CECR2: variants seen among roughly 807,000 people sequenced by gnomAD.
CECR2 encodes the protein CECR2 histone acetyl-lysine reader.
CECR2 carries 30 observed loss-of-function variants against 154.5 expected under a neutral mutation model. The observed-to-expected ratio is 0.19, with a 90% CI of 0.15 to 0.26. The LOEUF (loss-of-function observed/expected upper bound fraction) is 0.26, where lower values mean the gene tolerates loss of function less well. Ranked by LOEUF, CECR2 falls within the 10% of genes least tolerant of loss-of-function variation. The pLI is 1.00. For synonymous variants in CECR2, 725 were observed against 683.7 expected, an observed-to-expected ratio of 1.06 and a Z score of -0.94; for missense variants, 1,743 against 1,829.3, an observed-to-expected ratio of 0.95 and a Z score of 0.86.
At chr22:17,443,508 T>C (rs2054613762) in intron 1 of CECR2, among the ~76,000 whole-genome samples, 1 of 152,116 alleles carries the variant, frequency 6.6e-6, no homozygotes, top group African/African-American at 2.4e-5. Context: ...CAAGATCATA[T>C]TCAGTCCCAG....
chr22:17,450,302 C>T (rs1307599982), intron 1 of CECR2, among the ~76,000 whole-genome samples: 1 of 152,194 alleles, frequency 6.6e-6, no homozygotes, highest in African/African-American at 2.4e-5. Context: ...GATGGAGTCT[C>T]ACTCTGTCGC....
intron 1 of CECR2, among the ~76,000 whole-genome samples, chr22:17,408,938 C>T (rs1006880308): frequency 7.9e-5 from 12 of 152,174 alleles, no homozygotes; most frequent in Non-Finnish European, 1.6e-4. Flanking sequence ...TCGTACCATT[C>T]TCTCCTAGCT....
At chr22:17,459,027 G>A (rs2054896458) in intron 1 of CECR2, among the ~76,000 whole-genome samples, 1 of 152,124 alleles carries the variant, frequency 6.6e-6, no homozygotes, top group South Asian at 2.1e-4. Context: ...ACTTATACTT[G>A]GAAAAAGTAA....
intron 1 of CECR2, among the ~76,000 whole-genome samples, chr22:17,360,677 G>A (rs1184588011): frequency 4.4e-5 from 6 of 135,590 alleles, no homozygotes; most frequent in Admixed American, 3.6e-4. Flanking sequence ...ACTCCATCTC[G>A]GAAAAAAAAA....
At chr22:17,378,573 G>A (rs1382101278) in intron 1 of CECR2, among the ~76,000 whole-genome samples, 4 of 152,064 alleles carry the variant, frequency 2.6e-5, no homozygotes, top group Non-Finnish European at 4.4e-5. Context: ...GGTGTGAGCC[G>A]GCCCACCTGG....
rs1205156323 is a variant in CECR2, at chr22:17,372,074, G to A, written c.126+2165G>A. Among the ~76,000 whole-genome samples, 3 of 152,166 alleles carry A rather than the reference G, an allele frequency of 2.0e-5. No individual in the cohort carries two copies. The East Asian group carries it at 5.8e-4, about 29-fold the overall frequency. The stretch of plus-strand genomic sequence containing the variant: ...GACTGTCCTCTCTTTTGACTCCAGT[G>A]TTTCTTGGAAATGACACTTTTTTGG... On this transcript the variant is annotated intron_variant, in intron 1 of 18. Transcript: ENST00000262608.
chr22:17,539,218 C>A, intron 13 of CECR2, 99 bp downstream of exon 13: 4 of 1,328,242 alleles, frequency 3.0e-6, no homozygotes, highest in Admixed American at 1.9e-5. Flanking sequence ...TTCTGTAGGA[C>A]AGTGAACAGA....
chr22:17,394,697 A>C (rs1166268354), intron 1 of CECR2, among the ~76,000 whole-genome samples: 1 of 152,124 alleles, frequency 6.6e-6, no homozygotes, highest in Non-Finnish European at 1.5e-5. Flanking sequence ...TGGGATTTTG[A>C]TAGGGATTAC....
intron 5 of CECR2, among the ~76,000 whole-genome samples, chr22:17,501,558 A>C (rs1249438521): frequency 6.8e-6 from 1 of 146,492 alleles, no homozygotes; most frequent in Non-Finnish European, 1.5e-5. Flanking sequence ...ACTCCATCTC[A>C]AAAAAAAAAA....
chr22:17,467,506 G>A (rs950575589), intron 1 of CECR2, among the ~76,000 whole-genome samples: 2 of 151,904 alleles, frequency 1.3e-5, no homozygotes, highest in South Asian at 2.1e-4. Flanking sequence ...AAAAGGTCCC[G>A]GGTGCGGTGG....
Position 17,496,136 on chromosome 22 carries a change from T to C in CECR2, c.222-1267T>C, listed in dbSNP as rs145157453. 2.4e-3 allele frequency among the ~76,000 whole-genome samples: 363 copies of C among 152,198 alleles called. 2 individuals carry two copies. Among genetic ancestry groups the C allele is most frequent in the African/African-American group, 8.7e-3 (361 of 41,534 alleles). On this transcript the variant is annotated intron_variant, in intron 2 of 18. Transcript: ENST00000262608. ...ATCTTCAAATTTTAATATACAGACA[T>C]GGGAGGATTGCTTGAGCCCTGGAGT...
intron 6 of CECR2, 139 bp downstream of exon 6, chr22:17,503,270 G>C: frequency 1.4e-6 from 1 of 693,704 alleles, no homozygotes; most frequent in African/African-American, 1.8e-5. Flanking sequence ...CTCTTCTTCA[G>C]TTCTCCTCCT....
At chr22:17,429,666 A>C (rs1009596500) in intron 1 of CECR2, among the ~76,000 whole-genome samples, 1 of 152,210 alleles carries the variant, frequency 6.6e-6, no homozygotes. Flanking sequence ...AAAAGGAACT[A>C]TACAGCGTTG....
upstream of CECR2, among the ~76,000 whole-genome samples, chr22:17,367,111 CTTG>C (rs1437047456): frequency 6.6e-6 from 1 of 152,122 alleles, no homozygotes; most frequent in Non-Finnish European, 1.5e-5. Flanking sequence ...CCCGGACAGT[CTTG>C]TTGATTTCCG....
chr22:17,453,806 C>T (rs931961523), intron 1 of CECR2, among the ~76,000 whole-genome samples: 1 of 152,194 alleles, frequency 6.6e-6, no homozygotes, highest in African/African-American at 2.4e-5. Context: ...GTCTGGGCTT[C>T]ATGGCAGAAC....
At position 17,549,534 on chromosome 22, in the gene CECR2, G is replaced by A. The variant is rs372202363; in HGVS notation, c.4247G>A (p.Gly1416Glu). 1.4e-4 allele frequency: 226 copies of A among 1,599,774 alleles called. No homozygotes were observed. The highest frequency in any genetic ancestry group is 1.9e-4 in the Non-Finnish European group (220 of 1,173,442). ...ATTGGCACTAGAAGTGGAATAAGAG[G>A]ACCTTTCCAGGAAATGTACAGACCA... ...EQIGTRSGIR[G>E]PFQEMYRPSG... Residue 1416 changes from glycine to glutamate, a missense_variant, in exon 17 of 19, where the codon GGA (glycine) becomes GAA (glutamate). Transcript: ENST00000262608.
chr22:17,492,614 C>T (rs964027465), intron 2 of CECR2, among the ~76,000 whole-genome samples: 22 of 152,292 alleles, frequency 1.4e-4, no homozygotes, highest in African/African-American at 5.3e-4. Context: ...AATTAAGAGC[C>T]AGTCTCTTAC....
At chr22:17,374,099 C>G (rs1364942035) in intron 1 of CECR2, among the ~76,000 whole-genome samples, 2 of 152,044 alleles carry the variant, frequency 1.3e-5, no homozygotes, top group Non-Finnish European at 2.9e-5. Flanking sequence ...TGTAGGTGGC[C>G]GTTGCAAAAT....
At chr22:17,521,195 T>G (rs1160798604) in intron 8 of CECR2, among the ~76,000 whole-genome samples, 1 of 152,230 alleles carries the variant, frequency 6.6e-6, no homozygotes, top group Non-Finnish European at 1.5e-5. Flanking sequence ...TGACCAGTGA[T>G]GATGAGCATT....
Sources: gnomAD v4.1 joint callset for allele counts (sites outside exome capture counted in the v4.1 genomes callset) on GRCh38, gnomAD v4.1.1 for gene constraint, MANE v1.5 for transcripts, NCBI Gene and HGNC (gene_info 2026-07-23, HGNC 2026-07-21) for gene names.